GPC5: variants seen among roughly 807,000 people sequenced by gnomAD.
GPC5 encodes the protein glypican 5, also known as glypican-5.
Under a neutral mutation model 53.9 loss-of-function variants are expected in GPC5, and 47 were observed. The ratio of observed to expected loss-of-function variants is 0.87; its 90% CI spans 0.69 to 1.11. The LOEUF (loss-of-function observed/expected upper bound fraction) is 1.11. Ranked by LOEUF, GPC5 falls within the 50% of genes most tolerant of loss-of-function variation. GPC5 has a pLI of 0.00. For missense variants in GPC5, 748 were observed against 713.1 expected, an observed-to-expected ratio of 1.05 and a Z score of -0.56; for synonymous variants, 286 against 263.3, an observed-to-expected ratio of 1.09 and a Z score of -0.84.
At chr13:91,841,576 A>C (rs1033090785) in intron 5 of GPC5, among the ~76,000 whole-genome samples, 1 of 148,740 alleles carries the variant, frequency 6.7e-6, no homozygotes. Flanking sequence ...TCATTGTAGA[A>C]GTAGTCAGCT....
intron 6 of GPC5, among the ~76,000 whole-genome samples, chr13:92,090,839 T>C (rs1359857203): frequency 6.6e-6 from 1 of 152,254 alleles, no homozygotes; most frequent in East Asian, 1.9e-4. Context: ...ATGTGAATTA[T>C]TTTATCAGTT....
chr13:92,428,434 C>T lies in GPC5; in HGVS notation c.1561+283445C>T, dbSNP rs191617649. 5.2e-3 allele frequency among the ~76,000 whole-genome samples: 785 copies of T among 152,182 alleles called. 6 individuals carry two copies. Among genetic ancestry groups the T allele is most frequent in the African/African-American group, 0.018 (742 of 41,544 alleles). On this transcript the variant is annotated intron_variant, in intron 7 of 7. Coordinates refer to ENST00000377067, the MANE Select transcript of GPC5 (RefSeq NM_004466.6). ...CACCCATAAATCCTCATCATCCAGA[C>T]GCCAGCTTGCCTCCGATTGGTCCAT... is the stretch of plus-strand genomic sequence containing the variant.
intron 7 of GPC5, among the ~76,000 whole-genome samples, chr13:92,814,652 C>A: frequency 6.7e-6 from 1 of 149,644 alleles, no homozygotes; most frequent in East Asian, 1.9e-4. Context: ...CAGAACAAGA[C>A]TCTGTCTCAA....
chr13:91,521,046 T>C lies in GPC5; in HGVS notation c.325+72124T>C, dbSNP rs117987185. 3.3e-3 allele frequency among the ~76,000 whole-genome samples: 503 copies of C among 152,210 alleles called. 12 individuals are homozygous for C. In the East Asian group the frequency reaches 0.068, roughly 21 times the overall value. On this transcript the variant is annotated intron_variant, in intron 2 of 7. Transcript: ENST00000377067. ...TCTTTTATTGATATTCTTATGGAGG[T>C]TTAAAAAAAGATCCCAACTGAATTG... is the stretch of plus-strand genomic sequence containing the variant.
At chr13:92,346,721 C>A (rs995662530) in intron 7 of GPC5, among the ~76,000 whole-genome samples, 2 of 152,130 alleles carry the variant, frequency 1.3e-5, no homozygotes, top group Admixed American at 6.6e-5. Context: ...AAATGGAGAT[C>A]TCTGCAATGA....
intron 7 of GPC5, among the ~76,000 whole-genome samples, chr13:92,246,372 T>C (rs1380250611): frequency 6.6e-6 from 1 of 152,146 alleles, no homozygotes; most frequent in Non-Finnish European, 1.5e-5. Flanking sequence ...ATAATATGTC[T>C]ACTTATACCA....
At chr13:91,438,829 A>G (rs1880193241) in intron 1 of GPC5, among the ~76,000 whole-genome samples, 1 of 152,158 alleles carries the variant, frequency 6.6e-6, no homozygotes. Flanking sequence ...TTCCCAGGCC[A>G]CTTTGTTTAC....
intron 7 of GPC5, among the ~76,000 whole-genome samples, chr13:92,599,351 G>A (rs888805139): frequency 3.9e-5 from 6 of 152,144 alleles, no homozygotes; most frequent in Admixed American, 6.5e-5. Flanking sequence ...GCAGGGATTC[G>A]CTAGAGTAAT....
chr13:91,859,356 G>A (rs1180781265), intron 5 of GPC5, among the ~76,000 whole-genome samples: 1 of 151,536 alleles, frequency 6.6e-6, no homozygotes, highest in East Asian at 1.9e-4. Flanking sequence ...ATTTTCATTT[G>A]TTTCAGTGAA....
rs532303181 is a variant in GPC5 at position 91,838,003 on chromosome 13, G to A, written c.1281-69934G>A. Among the ~76,000 whole-genome samples, 320 of 152,224 alleles carry A rather than the reference G, an allele frequency of 2.1e-3. 3 individuals are homozygous for A. The highest frequency in any genetic ancestry group is 3.1e-3 in the Non-Finnish European group (213 of 68,000). On this transcript the variant is annotated intron_variant, in intron 5 of 7. Coordinates refer to ENST00000377067, the MANE Select transcript of GPC5 (RefSeq NM_004466.6). ...CAGATGTCGTAGATGAAAATGGAGA[G>A]AACAGCATTCTGAATAGATAGAATG...
chr13:91,409,109 T>C (rs1001560970), intron 1 of GPC5, among the ~76,000 whole-genome samples: 1 of 152,194 alleles, frequency 6.6e-6, no homozygotes, highest in African/African-American at 2.4e-5. Flanking sequence ...TGAATAACTC[T>C]CTTATTCGGT....
chr13:92,124,475 G>A (rs2041678572), intron 6 of GPC5, among the ~76,000 whole-genome samples: 1 of 152,042 alleles, frequency 6.6e-6, no homozygotes, highest in Non-Finnish European at 1.5e-5. Context: ...GTATAGGCAG[G>A]AACATTGTTA....
At chr13:92,098,852 T>C (rs1014429109) in intron 6 of GPC5, among the ~76,000 whole-genome samples, 1 of 152,190 alleles carries the variant, frequency 6.6e-6, no homozygotes, top group East Asian at 1.9e-4. Flanking sequence ...GAGACAGATA[T>C]TGGACACCTA....
chr13:92,152,928 G>T (rs2041917940), intron 7 of GPC5, among the ~76,000 whole-genome samples: 1 of 151,940 alleles, frequency 6.6e-6, no homozygotes, highest in Non-Finnish European at 1.5e-5. Context: ...CAGAGAGTTT[G>T]CCTATCCTGA....
chr13:92,459,166 T>C (rs1878386776), intron 7 of GPC5, among the ~76,000 whole-genome samples: 1 of 152,174 alleles, frequency 6.6e-6, no homozygotes, highest in Non-Finnish European at 1.5e-5. Flanking sequence ...CCACATCTTA[T>C]TGAAAATATA....
intron 7 of GPC5, among the ~76,000 whole-genome samples, chr13:92,358,562 C>A (rs2043541415): frequency 1.3e-5 from 2 of 151,686 alleles, no homozygotes; most frequent in African/African-American, 4.9e-5. Flanking sequence ...GCCCCTGCAC[C>A]AGACTTCTGC....
At chr13:92,072,044 T>C (rs1414101653) in intron 6 of GPC5, among the ~76,000 whole-genome samples, 1 of 146,382 alleles carries the variant, frequency 6.8e-6, no homozygotes, top group Admixed American at 6.8e-5. Flanking sequence ...AAATAATACA[T>C]TTTATTCATA....
intron 7 of GPC5, among the ~76,000 whole-genome samples, chr13:92,213,911 TA>T (rs1475380173): frequency 6.6e-6 from 1 of 152,214 alleles, no homozygotes; most frequent in African/African-American, 2.4e-5. Context: ...CCACTATTGT[TA>T]TTGAGACTTT....
At chr13:92,802,715 G>A (rs925461020) in intron 7 of GPC5, among the ~76,000 whole-genome samples, 2 of 151,748 alleles carry the variant, frequency 1.3e-5, no homozygotes, top group African/African-American at 4.8e-5. Flanking sequence ...AACAAACACC[G>A]CATGTTCTCA....
Sources: gnomAD v4.1 joint callset for allele counts (sites outside exome capture counted in the v4.1 genomes callset) on GRCh38, gnomAD v4.1.1 for gene constraint, MANE v1.5 for transcripts, NCBI Gene and HGNC (gene_info 2026-07-23, HGNC 2026-07-21) for gene names.